PARP4: variants seen among roughly 807,000 people sequenced by gnomAD.
PARP4 encodes protein mono-ADP-ribosyltransferase PARP4.
PARP4 carries 120 observed loss-of-function variants against 187.7 expected under a neutral mutation model. That is an observed-to-expected ratio of 0.64 (90% CI 0.55 to 0.74). The LOEUF (loss-of-function observed/expected upper bound fraction) is 0.74, where lower values mean the gene tolerates loss of function less well. Ranked by LOEUF, PARP4 falls within the 30% of genes least tolerant of loss-of-function variation. The pLI is 0.00. For synonymous variants in PARP4, 654 were observed against 740.9 expected (o/e 0.88, Z 1.90); for missense variants, 1,836 against 2,070.5 (o/e 0.89, Z 2.20).
intron 33 of PARP4, among the ~76,000 whole-genome samples, chr13:24,424,673 C>CT (rs1241681310): frequency 0.037 from 4,760 of 128,992 alleles, 345 homozygotes; most frequent in African/African-American, 0.11. Context: ...AAATTATGTA[C>CT]TTTTTTTTTT....
chr13:24,441,023 C>T (rs1335573932), intron 30 of PARP4, among the ~76,000 whole-genome samples: 2 of 152,164 alleles, frequency 1.3e-5, no homozygotes, highest in Non-Finnish European at 2.9e-5. Flanking sequence ...AGGCAAGCAC[C>T]ACCACGCCCA....
chr13:24,488,452 C>T (rs1868446515), intron 10 of PARP4, among the ~76,000 whole-genome samples: 1 of 152,288 alleles, frequency 6.6e-6, no homozygotes, highest in South Asian at 2.1e-4. Flanking sequence ...CTCCCGGGTT[C>T]AAGCGATTCT....
At chr13:24,508,084 G>C (rs551461676) in intron 1 of PARP4, among the ~76,000 whole-genome samples, 27 of 152,244 alleles carry the variant, frequency 1.8e-4, no homozygotes, top group African/African-American at 5.3e-4. Flanking sequence ...TCTGTGCATA[G>C]ATAGGAGGGA....
chr13:24,466,169 G>A (rs1359308866), intron 17 of PARP4, among the ~76,000 whole-genome samples: 3 of 152,110 alleles, frequency 2.0e-5, no homozygotes, highest in African/African-American at 7.2e-5. Context: ...TGTGGCTTTA[G>A]AGCAACAATC....
chr13:24,442,484 A>C, intron 29 of PARP4, 106 bp downstream of exon 29: 1 of 842,216 alleles, frequency 1.2e-6, no homozygotes, highest in Non-Finnish European at 1.9e-6. Flanking sequence ...CACACTTCCC[A>C]GGCCCAGGGT....
Position 24,452,396 on chromosome 13 carries a change from T to C in PARP4, c.3014+10A>G. The C allele has an allele frequency of 6.2e-7, 1 of 1,607,078 alleles. No individual in the cohort carries two copies. Among genetic ancestry groups the C allele is most frequent in the Non-Finnish European group, 8.5e-7 (1 of 1,176,624 alleles). Reference sequence around the variant, plus strand: ...GGTCTGGACTATGTGACCAGCTCTCTGAGACTCACCCGATACCGCAGGCGA... The same window carrying C: ...GGTCTGGACTATGTGACCAGCTCTCCGAGACTCACCCGATACCGCAGGCGA... On this transcript the variant is annotated intron_variant, in intron 24 of 33. Transcript: ENST00000381989.
Position 24,490,846 on chromosome 13 carries a change from A to G in PARP4, c.1054-18T>C. The G allele has an allele frequency of 6.2e-7, 1 of 1,601,466 alleles. No homozygotes were observed. The highest frequency in any genetic ancestry group is 1.7e-5 in the Admixed American group (1 of 59,004). On this transcript the variant is annotated intron_variant, in intron 9 of 33. Transcript: ENST00000381989. ...CTTATTAGCTGTAGGTGGAAATAAT[A>G]CACAGATGTCAGAATCACCACATAT...
rs757726062 is a variant in PARP4 at position 24,501,632 on chromosome 13, C to T, written c.334+1G>A. 1.2e-6 allele frequency: 2 copies of T among 1,605,548 alleles called. No individual in the cohort carries two copies. The highest frequency in any genetic ancestry group is 1.1e-5 in the South Asian group (1 of 90,880). The stretch of plus-strand genomic sequence containing the variant: ...TTAAATGCTTGCTATGAAATACCTA[C>T]CAGAACTGCTCGCCTTCTGATCAGG... On this transcript the variant is annotated splice_donor_variant, in intron 3 of 33. Transcript: ENST00000381989. LOFTEE classifies it high-confidence loss of function.
intron 30 of PARP4, among the ~76,000 whole-genome samples, chr13:24,440,929 G>A (rs921943676): frequency 6.6e-5 from 10 of 152,168 alleles, no homozygotes; most frequent in African/African-American, 2.4e-4. Flanking sequence ...CTGGAGTGTA[G>A]GGGTGCCATT....
At chr13:24,479,564 C>T (rs181882220) in intron 12 of PARP4, among the ~76,000 whole-genome samples, 99 of 152,284 alleles carry the variant, frequency 6.5e-4, no homozygotes, top group African/African-American at 2.3e-3. Context: ...TATCTAGCTA[C>T]TCTGGTGGGG....
At chr13:24,453,705 G>T (rs1478049236) in intron 22 of PARP4, 51 bp from the exon 23 acceptor site, 2 of 967,910 alleles carry the variant, frequency 2.1e-6, no homozygotes, top group Non-Finnish European at 3.4e-6. Flanking sequence ...TCACTTGCTT[G>T]AGCACTAACA....
In PARP4 at chr13:24,477,832, G is replaced by A; in HGVS notation, c.1658C>T (p.Thr553Ile). ...AATATATTTCATTTTAACCTGATTG[G>A]TTTTATAGACAACAAATTCATCATC... is the stretch of plus-strand genomic sequence containing the variant. ...FEDDEFVVYKTNQVKMKYIIK... is the reference protein window; with the variant it reads ...FEDDEFVVYKINQVKMKYIIK... Residue 553 changes from threonine (T) to isoleucine (I), a missense_variant, in exon 14 of 34, where the codon ACC becomes ATC. By Grantham distance (89) the Thr-to-Ile change is moderately conservative. Coordinates refer to ENST00000381989, the MANE Select transcript of PARP4 (RefSeq NM_006437.4). 2.5e-6 allele frequency: 4 copies of A among 1,577,098 alleles called. No individual in the cohort carries two copies. The highest frequency in any genetic ancestry group is 3.4e-6 in the Non-Finnish European group (4 of 1,163,330).
chr13:24,484,790 A>G (rs1873466699), intron 11 of PARP4, 42 bp from the exon 12 acceptor site: 3 of 1,274,892 alleles, frequency 2.4e-6, no homozygotes, highest in African/African-American at 2.9e-5. Flanking sequence ...CCCAACACTG[A>G]CTGCATCTCT....
intron 14 of PARP4, among the ~76,000 whole-genome samples, chr13:24,476,238 C>G (rs1019825836): frequency 1.1e-4 from 17 of 151,838 alleles, no homozygotes; most frequent in African/African-American, 3.9e-4. Flanking sequence ...CTTAGCCTCT[C>G]GAGTAGCTGC....
intron 28 of PARP4, 97 bp downstream of exon 28, chr13:24,443,553 C>T (rs1263652424): frequency 2.4e-6 from 2 of 821,590 alleles, no homozygotes; most frequent in African/African-American, 3.4e-5. Flanking sequence ...GTCTCCTTCT[C>T]CACGCAGCTG....
chr13:24,449,217 T>C (rs1400024471), intron 25 of PARP4, among the ~76,000 whole-genome samples: 1 of 151,808 alleles, frequency 6.6e-6, no homozygotes, highest in Non-Finnish European at 1.5e-5. Context: ...TGAAACCCCA[T>C]CTCTACTAAA....
chr13:24,498,573 T>C lies in PARP4; in HGVS notation c.478-344A>G, dbSNP rs554545711. ...TCAAAATACAAATGGAACATCACTT[T>C]GAAGGCTAGTGTCGATTTATATCTA... On this transcript the variant is annotated intron_variant, in intron 5 of 33. Transcript: ENST00000381989. 2.0e-5 allele frequency among the ~76,000 whole-genome samples: 3 copies of C among 152,264 alleles called. No homozygotes were observed. The East Asian group carries it at 5.8e-4, about 29-fold the overall frequency.
intron 9 of PARP4, 111 bp downstream of exon 9, chr13:24,492,310 A>G: frequency 1.4e-6 from 1 of 700,866 alleles, no homozygotes; most frequent in East Asian, 2.8e-5. Context: ...TTTCTAGTAC[A>G]ACTCTGGAGA....
chr13:24,493,649 C>G lies in PARP4; in HGVS notation c.826G>C (p.Gly276Arg). The change falls in exon 8 of 34, where the codon GGC (glycine) becomes CGC (arginine). Residue 276 changes from glycine to arginine, a missense_variant. Around this residue, in one of 8 missense-constraint regions of PARP4, gnomAD observed 1,147 missense variants for 1,214.2 expected, o/e 0.94. Transcript: ENST00000381989. ...LVEMIWAEAL[G>R]HLEHMLLKPV... ...TTGAGAAGCATGTGTTCCAGGTGGC[C>G]CAGGGCCTCTGCCCAAATCATCTCT... The G allele has an allele frequency of 6.2e-7, 1 of 1,614,008 alleles. No individual in the cohort carries two copies. Among genetic ancestry groups the G allele is most frequent in the Non-Finnish European group, 8.5e-7 (1 of 1,179,978 alleles).
Sources: gnomAD v4.1 joint callset for allele counts (sites outside exome capture counted in the v4.1 genomes callset) on GRCh38, gnomAD v4.1.1 for gene constraint, gnomAD v4.1.1 regional missense constraint, MANE v1.5 for transcripts, NCBI Gene and HGNC (gene_info 2026-07-23, HGNC 2026-07-21) for gene names.